The following ATP6V1A variants were observed in gnomAD, a reference collection of about 807,000 sequenced individuals.
ATP6V1A encodes ATPase H+ transporting V1 subunit A.
In ATP6V1A, 18 loss-of-function variants were observed where a neutral mutation model predicts 70.1. That is an observed-to-expected ratio of 0.26 (90% confidence interval 0.18 to 0.38). The LOEUF (loss-of-function observed/expected upper bound fraction) is 0.38, where lower values mean the gene tolerates loss of function less well. Ranked by LOEUF, ATP6V1A falls within the 10% of genes least tolerant of loss-of-function variation. ATP6V1A has a pLI of 1.00. For missense variants in ATP6V1A, 424 were observed against 772.4 expected (o/e 0.55, Z 5.35); for synonymous variants, 232 against 253.8 (o/e 0.91, Z 0.82).
chr3:113,798,803 G>A (rs1480392167), intron 12 of ATP6V1A, among the ~76,000 whole-genome samples: 2 of 152,140 alleles, frequency 1.3e-5, no homozygotes, highest in African/African-American at 4.8e-5. Flanking sequence ...TTAAACAGGT[G>A]AGTTACATTC....
At position 113,810,303 on chromosome 3, in the gene ATP6V1A, A is replaced by T. The variant is rs1470918564; in HGVS notation, c.*876A>T. The T allele has an allele frequency of 6.6e-6, 1 of 152,108 alleles. No homozygotes were observed. The highest frequency in any genetic ancestry group is 1.5e-5 in the Non-Finnish European group (1 of 68,082). The allele number at this position is 152,108 out of a possible 1,614,324, so 9.4% of individuals were successfully genotyped here. Reference sequence around the variant, plus strand: ...GTGATCCGCCCACCTCGGCCTCCCAAACTGCTGGGATTACAGGCGTGAGCC... The same window carrying T: ...GTGATCCGCCCACCTCGGCCTCCCATACTGCTGGGATTACAGGCGTGAGCC... On this transcript the variant is annotated 3_prime_UTR_variant, in exon 15 of 15. Transcript: ENST00000273398.
At chr3:113,750,181 G>C (rs781014808) in intron 1 of ATP6V1A, among the ~76,000 whole-genome samples, 3 of 152,170 alleles carry the variant, frequency 2.0e-5, no homozygotes. Context: ...ATAAACCCTA[G>C]GTAATCTATG....
At position 113,811,160 on chromosome 3, in the gene ATP6V1A, A is replaced by G. The variant is rs769327129; in HGVS notation, c.*1733A>G. On this transcript the variant is annotated 3_prime_UTR_variant, in exon 15 of 15. Transcript: ENST00000273398. ...AAAGGGTGTGTGAACATGGCTAACA[A>G]TCTTCAAATACCCAAATTGTGATAG... 1 of 152,208 alleles carries G rather than the reference A, an allele frequency of 6.6e-6. No homozygotes were observed. Among genetic ancestry groups the G allele is most frequent in the Non-Finnish European group, 1.5e-5 (1 of 68,028 alleles). The allele number at this position is 152,208 out of a possible 1,614,324, so 9.4% of individuals were successfully genotyped here.
At chr3:113,762,954 A>G (rs893418571) in intron 1 of ATP6V1A, among the ~76,000 whole-genome samples, 2 of 152,262 alleles carry the variant, frequency 1.3e-5, no homozygotes, top group African/African-American at 4.8e-5. Flanking sequence ...GAACATCTTT[A>G]AGGGCGTGGT....
At chr3:113,786,519 A>G (rs1387497846) in intron 6 of ATP6V1A, 136 bp downstream of exon 6, 8 of 904,306 alleles carry the variant, frequency 8.8e-6, no homozygotes, top group Non-Finnish European at 1.2e-5. Flanking sequence ...GGTGAATTAA[A>G]TATTTTTATC....
intron 1 of ATP6V1A, among the ~76,000 whole-genome samples, chr3:113,768,265 C>T (rs1310452823): frequency 6.6e-6 from 1 of 152,118 alleles, no homozygotes. Flanking sequence ...TCATTGTAGT[C>T]CACCTTAGTA....
chr3:113,800,633 G>A lies in ATP6V1A; in HGVS notation c.1494+2187G>A, dbSNP rs144386142. Among the ~76,000 whole-genome samples, 25 of 152,270 alleles carry A rather than the reference G, an allele frequency of 1.6e-4. No individual in the cohort carries two copies. In the South Asian group the frequency reaches 1.7e-3, roughly 10 times the overall value. ...GAATCCAGATAGATTCATAATTTAC[G>A]TGGGAAAGGTAAGACTTTCAGTTTG... On this transcript the variant is annotated intron_variant, in intron 12 of 14. Coordinates refer to ENST00000273398, the MANE Select transcript of ATP6V1A (RefSeq NM_001690.4).
At position 113,757,728 on chromosome 3, in the gene ATP6V1A, T is replaced by C. The variant is rs113027964; in HGVS notation, c.-14+10615T>C. Reference sequence around the variant, plus strand: ...ACACAGCCTTATCCAGAGCCACATATATTTATTCTAAATAGACAGACAAAA... The same window carrying C: ...ACACAGCCTTATCCAGAGCCACATACATTTATTCTAAATAGACAGACAAAA... On this transcript the variant is annotated intron_variant, in intron 1 of 14. Coordinates refer to ENST00000273398, the MANE Select transcript of ATP6V1A (RefSeq NM_001690.4). Among the ~76,000 whole-genome samples the C allele has an allele frequency of 7.2e-4, 109 of 152,364 alleles. 3 individuals carry two copies. Among genetic ancestry groups the C allele is most frequent in the African/African-American group, 2.4e-3 (99 of 41,598 alleles).
chr3:113,747,578 C>A (rs917055842), intron 1 of ATP6V1A, among the ~76,000 whole-genome samples: 1 of 152,168 alleles, frequency 6.6e-6, no homozygotes, highest in Non-Finnish European at 1.5e-5. Flanking sequence ...GTCACTGATA[C>A]GGCCCTCACT....
intron 1 of ATP6V1A, among the ~76,000 whole-genome samples, chr3:113,757,563 T>C (rs1251746187): frequency 6.6e-6 from 1 of 152,210 alleles, no homozygotes; most frequent in East Asian, 1.9e-4. Flanking sequence ...TATTGTAAGC[T>C]GATATGCCAT....
In ATP6V1A at chr3:113,795,014, A is replaced by G. The variant is rs878953613; in HGVS notation, c.1111+20A>G. 1.2e-6 allele frequency: 2 copies of G among 1,613,324 alleles called. No individual in the cohort carries two copies. Among genetic ancestry groups the G allele is most frequent in the South Asian group, 1.1e-5 (1 of 90,958 alleles). Reference sequence around the variant, plus strand: ...CTGCAGGTAAGTCTGTGTATTGCTTATCATGTAAACAAGACTGATGGGATT... The same window carrying G: ...CTGCAGGTAAGTCTGTGTATTGCTTGTCATGTAAACAAGACTGATGGGATT... On this transcript the variant is annotated intron_variant, in intron 9 of 14. Coordinates refer to ENST00000273398, the MANE Select transcript of ATP6V1A (RefSeq NM_001690.4).
At chr3:113,806,418 C>G (rs1354039781) in intron 14 of ATP6V1A, among the ~76,000 whole-genome samples, 1 of 152,042 alleles carries the variant, frequency 6.6e-6, no homozygotes, top group African/African-American at 2.4e-5. Context: ...ATGACATCTT[C>G]TCTGTTTACT....
intron 1 of ATP6V1A, among the ~76,000 whole-genome samples, chr3:113,754,934 G>T (rs1708630424): frequency 1.3e-5 from 2 of 152,162 alleles, no homozygotes; most frequent in African/African-American, 4.8e-5. Flanking sequence ...TTTAGAGTTG[G>T]ATTTGTTGCA....
intron 8 of ATP6V1A, among the ~76,000 whole-genome samples, chr3:113,793,025 C>G (rs967225878): frequency 6.6e-6 from 1 of 151,922 alleles, no homozygotes; most frequent in Non-Finnish European, 1.5e-5. Context: ...ATACTGATTT[C>G]TAGAAACTCT....
Position 113,778,660 on chromosome 3 carries a change from A to G in ATP6V1A, c.-13-81A>G, listed in dbSNP as rs12636577. ...ATACACCAAAGATGAGAGTGGTCTC[A>G]TCTTAGTGGACTACCTATATTTTGG... On this transcript the variant is annotated intron_variant, in intron 1 of 14. Transcript: ENST00000273398. 225,451 of 654,768 alleles carry G rather than the reference A, an allele frequency of 0.34. 40,181 individuals are homozygous for G. Among genetic ancestry groups the G allele is most frequent in the East Asian group, 0.4 (12,465 of 31,228 alleles). The allele number at this position is 654,768 out of a possible 1,614,324, so 40.6% of individuals were successfully genotyped here. A position where few individuals can be genotyped will look rare whatever the true frequency, so the allele number is the denominator to read the frequency against.
chr3:113,801,305 G>A (rs901610092), intron 12 of ATP6V1A: 28 of 151,914 alleles, frequency 1.8e-4, no homozygotes, highest in African/African-American at 6.3e-4. Context: ...AAGAAGACTC[G>A]AACTTCAACA....
At chr3:113,747,434 G>A (rs553246526) in intron 1 of ATP6V1A, 7 of 152,464 alleles carry the variant, frequency 4.6e-5, no homozygotes, top group African/African-American at 1.7e-4. Context: ...TAGACATTAG[G>A]TCCCATTCCT....
intron 13 of ATP6V1A, 73 bp from the exon 14 acceptor site, chr3:113,805,281 G>A: frequency 7.2e-7 from 1 of 1,390,502 alleles, no homozygotes; most frequent in Non-Finnish European, 1.0e-6. Flanking sequence ...TAATGCTCTA[G>A]TAGTTTTATA....
In ATP6V1A at chr3:113,809,537, A is replaced by C. The variant is rs1709317209; in HGVS notation, c.*110A>C. 1 of 900,176 alleles carries C rather than the reference A, an allele frequency of 1.1e-6. No individual in the cohort carries two copies. The highest frequency in any genetic ancestry group is 1.7e-6 in the Non-Finnish European group (1 of 586,782). 55.8% of individuals were successfully genotyped at this position (900,176 alleles called of 1,614,324 possible). On this transcript the variant is annotated 3_prime_UTR_variant, in exon 15 of 15. Transcript: ENST00000273398. ...TTTGCTTCTTTATTGTGCAGCTTTG[A>C]GACTAGTGCCTATGTGTGTTATTTG...
Sources: gnomAD v4.1 joint callset for allele counts (sites outside exome capture counted in the v4.1 genomes callset) on GRCh38, gnomAD v4.1.1 for gene constraint, MANE v1.5 for transcripts, NCBI Gene and HGNC (gene_info 2026-07-23, HGNC 2026-07-21) for gene names.